ZNHIT3: variants seen among roughly 807,000 people sequenced by gnomAD.
ZNHIT3 encodes the protein zinc finger HIT domain-containing protein 3.
In ZNHIT3, 27 loss-of-function variants were observed where a neutral mutation model predicts 19.9. That is an observed-to-expected ratio of 1.36 (90% CI 1.00 to 1.87). The LOEUF is 1.87. ZNHIT3 is among the 40% of genes most tolerant of loss of function. The pLI is 0.00. For synonymous variants in ZNHIT3, 81 were observed against 65.7 expected (o/e 1.23, Z -1.13); for missense variants, 215 against 185.6 (o/e 1.16, Z -0.92).
At chr17:36,497,884 C>T, downstream of ZNHIT3, 1 of 208,280 alleles carries the variant, frequency 4.8e-6, no homozygotes, top group Non-Finnish European at 9.6e-6. Context: ...CGCTCCAGGC[C>T]CTAAGCTAAA....
At chr17:36,498,134 C>T, downstream of ZNHIT3, 1 of 928,330 alleles carries the variant, frequency 1.1e-6, no homozygotes, top group Non-Finnish European at 1.6e-6. Flanking sequence ...GGACATGCAG[C>T]CCTCTGGTTT....
downstream of ZNHIT3, chr17:36,497,725 C>T (rs140610432): frequency 0.064 from 11,880 of 184,406 alleles, 655 homozygotes; most frequent in African/African-American, 0.16. Context: ...GCTGGGACTA[C>T]AGGCGCCTGC....
chr17:36,494,019 T>C lies in ZNHIT3; in HGVS notation c.286+13T>C, dbSNP rs1567717126. 2.5e-6 allele frequency: 4 copies of C among 1,591,554 alleles called. No individual in the cohort carries two copies. The highest frequency in any genetic ancestry group is 1.7e-5 in the Admixed American group (1 of 59,662). On this transcript the variant is annotated intron_variant, in intron 4 of 4. Coordinates refer to ENST00000617429, the MANE Select transcript of ZNHIT3 (RefSeq NM_004773.4). Reference sequence around the variant, plus strand: ...TTAAAGAATTTAGGTAAGTCTGTGCTATGCTTGTCAATCGTTGAGATACAT... The same window carrying C: ...TTAAAGAATTTAGGTAAGTCTGTGCCATGCTTGTCAATCGTTGAGATACAT...
At chr17:36,497,232 GGAGGCT>G (rs2071064404), downstream of ZNHIT3, among the ~76,000 whole-genome samples, 1 of 151,874 alleles carries the variant, frequency 6.6e-6, no homozygotes, top group Non-Finnish European at 1.5e-5. Flanking sequence ...CAGCTATTCG[GGAGGCT>G]GAGGCAGGAG....
At chr17:36,497,275 C>T (rs1196187996), downstream of ZNHIT3, among the ~76,000 whole-genome samples, 1 of 151,702 alleles carries the variant, frequency 6.6e-6, no homozygotes, top group Non-Finnish European at 1.5e-5. Flanking sequence ...TGCATTCCAT[C>T]CTGGGCGACA....
intron 1 of ZNHIT3, 65 bp downstream of exon 1, chr17:36,486,850 C>T: frequency 4.3e-6 from 4 of 937,768 alleles, no homozygotes; most frequent in South Asian, 1.3e-5. Context: ...GGCGGGAGGC[C>T]GGGAGGCCGG....
downstream of ZNHIT3, chr17:36,499,229 G>T: frequency 8.9e-7 from 1 of 1,118,646 alleles, no homozygotes; most frequent in Non-Finnish European, 1.3e-6. Flanking sequence ...TGACCTCGCT[G>T]CAGCAGCACC....
chr17:36,494,798 TCAC>T (rs1362725583), intron 4 of ZNHIT3, among the ~76,000 whole-genome samples: 1 of 152,152 alleles, frequency 6.6e-6, no homozygotes, highest in East Asian at 1.9e-4. Flanking sequence ...ATAGCCGTCT[TCAC>T]CACTGGCAAC....
intron 2 of ZNHIT3, among the ~76,000 whole-genome samples, chr17:36,487,666 C>T (rs564707714): frequency 2.2e-4 from 34 of 151,978 alleles, no homozygotes; most frequent in Non-Finnish European, 4.4e-4. Context: ...AGGTGCGCGC[C>T]TGTAATCCCA....
At chr17:36,497,705 C>G (rs1481686770), downstream of ZNHIT3, 1 of 240,066 alleles carries the variant, frequency 4.2e-6, no homozygotes, top group East Asian at 1.8e-4. Context: ...ATGCCTCAGC[C>G]TCCCGAGCAG....
At chr17:36,488,641 C>T (rs1001815301) in intron 2 of ZNHIT3, among the ~76,000 whole-genome samples, 3 of 150,028 alleles carry the variant, frequency 2.0e-5, no homozygotes, top group East Asian at 2.0e-4. Flanking sequence ...ATAGTTGGTA[C>T]GACCATTATT....
chr17:36,497,204 G>T (rs1302782873), downstream of ZNHIT3, among the ~76,000 whole-genome samples: 2 of 151,878 alleles, frequency 1.3e-5, no homozygotes, highest in Non-Finnish European at 2.9e-5. Context: ...AGGCATGGTG[G>T]CACATGCCCT....
At position 36,495,212 on chromosome 17, in the gene ZNHIT3, T is replaced by C; in HGVS notation, c.287-11T>C. The C allele has an allele frequency of 6.4e-7, 1 of 1,553,690 alleles. No individual in the cohort carries two copies. Among genetic ancestry groups the C allele is most frequent in the Non-Finnish European group, 8.7e-7 (1 of 1,153,806 alleles). ...GAACTCAGACTGGCTTTTTTTCTTGTTAATTTTTAGGGGAATCTGCAACAT... is the reference window on the plus strand; with the variant it reads ...GAACTCAGACTGGCTTTTTTTCTTGCTAATTTTTAGGGGAATCTGCAACAT... On this transcript the variant is annotated splice_polypyrimidine_tract_variant and intron_variant, in intron 4 of 4. Coordinates refer to ENST00000617429, the MANE Select transcript of ZNHIT3 (RefSeq NM_004773.4).
chr17:36,486,867 G>A, intron 1 of ZNHIT3, 68 bp from the exon 2 acceptor site: 12 of 1,591,942 alleles, frequency 7.5e-6, no homozygotes, highest in Non-Finnish European at 1.0e-5. Flanking sequence ...CCGGGCGGGA[G>A]CGGGCGGGCT....
chr17:36,493,070 T>G, intron 3 of ZNHIT3, 171 bp downstream of exon 3: 1 of 647,128 alleles, frequency 1.5e-6, no homozygotes, highest in Non-Finnish European at 2.7e-6. Flanking sequence ...TGGGTGATAT[T>G]GAGGCAACAG....
intron 2 of ZNHIT3, chr17:36,490,614 C>A (rs2070703900): frequency 6.6e-6 from 1 of 152,070 alleles, no homozygotes; most frequent in South Asian, 2.1e-4. Flanking sequence ...TTTGACATTT[C>A]TGTGAACAGG....
chr17:36,493,160 C>T (rs986478022), intron 3 of ZNHIT3: 10 of 527,702 alleles, frequency 1.9e-5, no homozygotes, highest in African/African-American at 9.6e-5. Context: ...TGGGGGTTTG[C>T]GGTGGGCCCT....
intron 1 of ZNHIT3, 62 bp downstream of exon 1, chr17:36,486,847 G>A: frequency 6.3e-7 from 1 of 1,596,232 alleles, no homozygotes. Context: ...GAGGGCGGGA[G>A]GCCGGGAGGC....
downstream of ZNHIT3, chr17:36,495,882 C>A: frequency 8.1e-7 from 1 of 1,234,768 alleles, no homozygotes; most frequent in Non-Finnish European, 1.0e-6. Flanking sequence ...ATTCCAGCGC[C>A]AATTTTAGGC....
Sources: gnomAD v4.1 joint callset for allele counts (sites outside exome capture counted in the v4.1 genomes callset) on GRCh38, gnomAD v4.1.1 for gene constraint, MANE v1.5 for transcripts, NCBI Gene and HGNC (gene_info 2026-07-23, HGNC 2026-07-21) for gene names.